ATP9B: variants seen among roughly 807,000 people sequenced by gnomAD.
The protein encoded by ATP9B is ATPase phospholipid transporting 9B, also known as probable phospholipid-transporting ATPase IIB.
ATP9B carries 110 observed loss-of-function variants against 146.1 expected under a neutral mutation model. That is an observed-to-expected ratio of 0.75 (90% CI 0.65 to 0.88). The LOEUF is 0.88. Ranked by LOEUF, ATP9B falls within the 40% of genes least tolerant of loss-of-function variation. The pLI is 0.00. For synonymous variants in ATP9B, 604 were observed against 569.7 expected, an observed-to-expected ratio of 1.06 and a Z score of -0.86; for missense variants, 1,499 against 1,496.4, an observed-to-expected ratio of 1.00 and a Z score of -0.03.
At chr18:79,336,527 G>A in intron 17 of ATP9B, 101 bp from the exon 18 acceptor site, 1 of 1,062,334 alleles carries the variant, frequency 9.4e-7, no homozygotes, top group Non-Finnish European at 1.4e-6. Flanking sequence ...CAGGACATGA[G>A]GGCAGGGCAC....
chr18:79,096,522 A>T lies in ATP9B; in HGVS notation c.166A>T (p.Met56Leu). ...ESAHLDEMPL[M>L]MSEEGFENEE... The stretch of plus-strand genomic sequence containing the variant: ...TGCGCATTTGGATGAAATGCCACTA[A>T]TGATGTCTGAAGAAGGCTTTGAGAA... Residue 56 changes from methionine to leucine, a missense_variant, in exon 2 of 30, where the codon ATG (methionine) becomes TTG (leucine). Physicochemically the swap from Met to Leu is conservative, Grantham distance 15. Coordinates refer to ENST00000426216, the MANE Select transcript of ATP9B (RefSeq NM_198531.5). The T allele has an allele frequency of 6.2e-7, 1 of 1,613,992 alleles. No homozygotes were observed. Among genetic ancestry groups the T allele is most frequent in the East Asian group, 2.2e-5 (1 of 44,860 alleles).
At chr18:79,377,102 T>C in intron 29 of ATP9B, 145 bp from the exon 30 acceptor site, 1 of 911,816 alleles carries the variant, frequency 1.1e-6, no homozygotes, top group Non-Finnish European at 1.7e-6. Context: ...ACCTGAGATT[T>C]GGAGCTGGGC....
chr18:79,169,847 A>T lies in ATP9B; in HGVS notation c.779-6966A>T, dbSNP rs569432053. Among the ~76,000 whole-genome samples the T allele has an allele frequency of 7.9e-5, 12 of 152,310 alleles. No homozygotes were observed. The South Asian group carries it at 2.3e-3, about 29-fold the overall frequency. On this transcript the variant is annotated intron_variant, in intron 7 of 29. Transcript: ENST00000426216. Reference sequence around the variant, plus strand: ...AATCAGAAGTTTCAGGCTGTTTACTACATGGCTGTCACCTCTAAGCAGTGA... The same window carrying T: ...AATCAGAAGTTTCAGGCTGTTTACTTCATGGCTGTCACCTCTAAGCAGTGA...
intron 13 of ATP9B, among the ~76,000 whole-genome samples, chr18:79,297,508 G>A (rs2096561193): frequency 1.3e-5 from 2 of 152,186 alleles, no homozygotes; most frequent in Admixed American, 6.5e-5. Context: ...TATATATTGT[G>A]GGTATTTTTG....
chr18:79,117,884 G>C (rs2094115354), intron 4 of ATP9B: 1 of 152,036 alleles, frequency 6.6e-6, no homozygotes, highest in Admixed American at 6.6e-5. Flanking sequence ...TAGTTTTACT[G>C]TGTTTATATT....
At position 79,253,381 on chromosome 18, in the gene ATP9B, G is replaced by A. The variant is rs746452091; in HGVS notation, c.1108G>A (p.Val370Ile). The A allele has an allele frequency of 4.4e-6, 7 of 1,603,476 alleles. No individual in the cohort carries two copies. The highest frequency in any genetic ancestry group is 5.9e-6 in the Non-Finnish European group (7 of 1,177,288). ...VMNTSNPKNK[V>I]GLLDLELNRL... Reference sequence around the variant, plus strand: ...CATGTATTATGTGTTTTTCTTTCAGGTTGGTTTGTTGGACCTTGAACTCAA... The same window carrying A: ...CATGTATTATGTGTTTTTCTTTCAGATTGGTTTGTTGGACCTTGAACTCAA... Residue 370 changes from valine (V) to isoleucine (I), a missense_variant and splice_region_variant, in exon 12 of 30, where the codon GTT becomes ATT. Transcript: ENST00000426216.
intron 4 of ATP9B, among the ~76,000 whole-genome samples, 180 bp downstream of exon 4, chr18:79,113,534 T>C (rs946305284): frequency 6.6e-6 from 1 of 152,190 alleles, no homozygotes; most frequent in African/African-American, 2.4e-5. Context: ...CCATGGGAAG[T>C]ATGGTGGCAG....
At chr18:79,346,246 G>A (rs1042785637) in intron 23 of ATP9B, among the ~76,000 whole-genome samples, 4 of 148,868 alleles carry the variant, frequency 2.7e-5, no homozygotes, top group Non-Finnish European at 4.5e-5. Flanking sequence ...TCAGCGCACA[G>A]TCAGCACACA....
chr18:79,110,884 T>C (rs186771521), intron 3 of ATP9B, among the ~76,000 whole-genome samples: 109 of 152,336 alleles, frequency 7.2e-4, no homozygotes, highest in African/African-American at 2.2e-3. Flanking sequence ...ATGTAATGTT[T>C]AAACCCTGCC....
At chr18:79,247,751 A>G (rs955868861) in intron 11 of ATP9B, among the ~76,000 whole-genome samples, 2 of 152,154 alleles carry the variant, frequency 1.3e-5, no homozygotes, top group Non-Finnish European at 2.9e-5. Context: ...TACTTTTCTT[A>G]TTTATACAAA....
intron 11 of ATP9B, 68 bp downstream of exon 11, chr18:79,214,106 G>T (rs1215009700): frequency 1.8e-6 from 2 of 1,087,434 alleles, no homozygotes; most frequent in Non-Finnish European, 2.6e-6. Context: ...AGTCTGCATA[G>T]TTCTGAATAG....
chr18:79,140,652 G>A (rs142755628), intron 5 of ATP9B, among the ~76,000 whole-genome samples: 2,253 of 152,192 alleles, frequency 0.015, 66 homozygotes, highest in African/African-American at 0.051. Context: ...ATGGTGGCGG[G>A]TGCTTGTAAT....
intron 15 of ATP9B, among the ~76,000 whole-genome samples, chr18:79,328,164 G>A (rs774971649): frequency 1.1e-4 from 16 of 152,062 alleles, no homozygotes; most frequent in African/African-American, 1.7e-4. Context: ...TGCTCTCCGT[G>A]GTTAGTGTGC....
At chr18:79,123,611 C>T (rs1174540963) in intron 4 of ATP9B, among the ~76,000 whole-genome samples, 2 of 151,738 alleles carry the variant, frequency 1.3e-5, no homozygotes, top group African/African-American at 4.8e-5. Context: ...CTCAGAGTGG[C>T]TAATACGTCA....
At chr18:79,154,635 C>CT (rs1176171359) in intron 7 of ATP9B, 80 bp downstream of exon 7, 10 of 924,916 alleles carry the variant, frequency 1.1e-5, no homozygotes, top group African/African-American at 3.4e-5. Context: ...CAAGGAAAAA[C>CT]TGTTTTCCTT....
chr18:79,328,763 T>TG (rs1374725027), intron 15 of ATP9B, among the ~76,000 whole-genome samples: 16 of 152,178 alleles, frequency 1.1e-4, no homozygotes, highest in African/African-American at 2.9e-4. Flanking sequence ...TCCATGGAAC[T>TG]GGGGAGGGAG....
At chr18:79,195,874 C>T (rs750033314) in intron 9 of ATP9B, among the ~76,000 whole-genome samples, 2 of 152,234 alleles carry the variant, frequency 1.3e-5, no homozygotes, top group African/African-American at 4.8e-5. Context: ...AAGAAATACT[C>T]AACATGAGAG....
intron 8 of ATP9B, among the ~76,000 whole-genome samples, chr18:79,186,226 A>G (rs1301553501): frequency 6.6e-6 from 1 of 152,194 alleles, no homozygotes; most frequent in Non-Finnish European, 1.5e-5. Flanking sequence ...ACGAAAGGCA[A>G]TTTTATTTGT....
intron 1 of ATP9B, among the ~76,000 whole-genome samples, chr18:79,070,194 A>G (rs2071561551): frequency 6.6e-6 from 1 of 152,246 alleles, no homozygotes; most frequent in Non-Finnish European, 1.5e-5. Flanking sequence ...TTCAAAGAAA[A>G]GAAAATTTTA....
Sources: gnomAD v4.1 joint callset for allele counts (sites outside exome capture counted in the v4.1 genomes callset) on GRCh38, gnomAD v4.1.1 for gene constraint, MANE v1.5 for transcripts, NCBI Gene and HGNC (gene_info 2026-07-23, HGNC 2026-07-21) for gene names.